The following CHRDL1 variants were observed in gnomAD, a reference collection of about 807,000 sequenced individuals.
CHRDL1 encodes chordin like 1, also known as chordin-like protein 1.
In CHRDL1, 19 loss-of-function variants were observed where a neutral mutation model predicts 40.9. That is an observed-to-expected ratio of 0.46 (90% CI 0.32 to 0.68). CHRDL1 has a LOEUF of 0.68. Ranked by LOEUF, CHRDL1 falls within the 30% of genes least tolerant of loss-of-function variation. The probability of loss-of-function intolerance (pLI) is 0.03; values close to 1 mark genes in which losing one functional copy is unlikely to be tolerated. For synonymous variants in CHRDL1, 136 were observed against 123.4 expected (o/e 1.10, Z -0.68); for missense variants, 329 against 352.1 (o/e 0.93, Z 0.53).
chrX:110,717,647 C>T (rs2070867590), intron 6 of CHRDL1, among the ~76,000 whole-genome samples: 1 of 111,973 alleles, frequency 8.9e-6, no homozygotes, highest in Admixed American at 9.4e-5. Context: ...CAATAGTACT[C>T]CTCACATAGG....
intron 4 of CHRDL1, among the ~76,000 whole-genome samples, chrX:110,758,133 A>AAC (rs1556364010): frequency 0.017 from 1,757 of 104,925 alleles, 44 homozygotes; most frequent in African/African-American, 0.064. Context: ...AAAAAAACAA[A>AAC]AAAAAAAAAA....
At chrX:110,791,479 C>G (rs1368015820) in intron 2 of CHRDL1, among the ~76,000 whole-genome samples, 1 of 111,697 alleles carries the variant, frequency 9.0e-6, no homozygotes, top group Non-Finnish European at 1.9e-5. Context: ...ATGTGTTAGC[C>G]CATTACACGG....
In CHRDL1 at chrX:110,681,612, G is replaced by A; in HGVS notation, c.1026C>T (p.Tyr342=). Residue 342 remains tyrosine, a synonymous_variant, in exon 10 of 12, where the codon TAC becomes TAT. Transcript: ENST00000372042. The part of the protein sequence containing the change: ...LPGQSFDNKG[Y]FCGEETMPVY... ...CAGGCATCGTTTCTTCCCCGCAGAA[G>A]TAGCCTTTATTGTCAAAGCTTTGGC... 8.3e-7 allele frequency: 1 copy of A among 1,207,847 alleles called. No homozygotes were observed. The highest frequency in any genetic ancestry group is 1.1e-6 in the Non-Finnish European group (1 of 892,590).
chrX:110,762,810 G>A lies in CHRDL1; in HGVS notation c.95-3C>T, dbSNP rs1185844455. 4.9e-6 allele frequency: 5 copies of A among 1,024,188 alleles called. No individual in the cohort carries two copies. The highest frequency in any genetic ancestry group is 6.9e-6 in the Non-Finnish European group (5 of 728,457). 84.4% of individuals were successfully genotyped at this position (1,024,188 alleles called of 1,213,427 possible). ...AAACATGCAATATGTCTCTGAATCTGTGAAGAAGGAGATGGAGAATATGCC... is the reference window on the plus strand; with the variant it reads ...AAACATGCAATATGTCTCTGAATCTATGAAGAAGGAGATGGAGAATATGCC... On this transcript the variant is annotated splice_region_variant and splice_polypyrimidine_tract_variant and intron_variant, in intron 2 of 11. Coordinates refer to ENST00000372042, the MANE Select transcript of CHRDL1 (RefSeq NM_001143981.2).
chrX:110,743,070 G>T (rs2071388848), intron 4 of CHRDL1, among the ~76,000 whole-genome samples: 1 of 112,477 alleles, frequency 8.9e-6, no homozygotes, highest in Non-Finnish European at 1.9e-5. Flanking sequence ...AATTTAAAAT[G>T]CAGCTTCTCA....
intron 10 of CHRDL1, 74 bp from the exon 11 acceptor site, chrX:110,679,499 A>T (rs776281563): frequency 8.8e-6 from 6 of 678,345 alleles, no homozygotes; most frequent in Non-Finnish European, 9.6e-6. Flanking sequence ...TTTTCTGCTC[A>T]GGCTCAGCAT....
At chrX:110,756,640 A>T (rs2089458218) in intron 4 of CHRDL1, among the ~76,000 whole-genome samples, 1 of 111,583 alleles carries the variant, frequency 9.0e-6, no homozygotes, top group African/African-American at 3.3e-5. Context: ...AAAGTGAACT[A>T]TAAAGCCTGC....
chrX:110,723,220 C>T (rs2070995224), intron 4 of CHRDL1, among the ~76,000 whole-genome samples: 1 of 111,312 alleles, frequency 9.0e-6, no homozygotes, highest in Admixed American at 9.5e-5. Flanking sequence ...CACTGCACTC[C>T]AGCCTGGGCG....
At chrX:110,725,385 G>A (rs1485221029) in intron 4 of CHRDL1, among the ~76,000 whole-genome samples, 1 of 111,490 alleles carries the variant, frequency 9.0e-6, no homozygotes, top group Non-Finnish European at 1.9e-5. Flanking sequence ...GTAATCCCAA[G>A]AATTATATGA....
chrX:110,678,815 G>A (rs771397727), intron 11 of CHRDL1, among the ~76,000 whole-genome samples: 107 of 111,109 alleles, frequency 9.6e-4, no homozygotes, highest in Non-Finnish European at 9.8e-4. Context: ...ATCTAGTGTG[G>A]AAAGTGGGAG....
At chrX:110,693,220 T>C (rs921299813) in intron 8 of CHRDL1, among the ~76,000 whole-genome samples, 4 of 111,609 alleles carry the variant, frequency 3.6e-5, no homozygotes, top group Non-Finnish European at 7.5e-5. Context: ...TTGGAAGCTA[T>C]GGAAGTCTAT....
chrX:110,788,247 A>G (rs1442033779), intron 2 of CHRDL1, among the ~76,000 whole-genome samples: 3 of 112,207 alleles, frequency 2.7e-5, no homozygotes, highest in Non-Finnish European at 5.6e-5. Context: ...CTCTTATAAG[A>G]GAAATTGTAA....
intron 2 of CHRDL1, among the ~76,000 whole-genome samples, chrX:110,773,031 G>T (rs78700734): frequency 8.9e-6 from 1 of 112,168 alleles, no homozygotes; most frequent in South Asian, 3.7e-4. Flanking sequence ...ATCCATAAAA[G>T]CACTCTATTT....
At chrX:110,757,963 C>A (rs2089483406) in intron 4 of CHRDL1, among the ~76,000 whole-genome samples, 1 of 109,550 alleles carries the variant, frequency 9.1e-6, no homozygotes, top group Non-Finnish European at 1.9e-5. Flanking sequence ...ATGCCTCAAC[C>A]TTCTTCCCAG....
intron 4 of CHRDL1, among the ~76,000 whole-genome samples, chrX:110,745,392 T>G (rs1057271043): frequency 5.4e-5 from 6 of 111,820 alleles, no homozygotes; most frequent in Non-Finnish European, 7.5e-5. Flanking sequence ...ACCCACAGGA[T>G]GTACAAGGTC....
chrX:110,695,439 G>A (rs1399915016), intron 7 of CHRDL1, among the ~76,000 whole-genome samples: 3 of 111,043 alleles, frequency 2.7e-5, no homozygotes, highest in South Asian at 3.8e-4. Flanking sequence ...TTCAACACAC[G>A]TGATGACCAG....
At position 110,768,992 on chromosome X, in the gene CHRDL1, T is replaced by C. The variant is rs771187051; in HGVS notation, c.95-6185A>G. 3.6e-5 allele frequency among the ~76,000 whole-genome samples: 4 copies of C among 111,908 alleles called. No homozygotes were observed. In the Admixed American group the frequency reaches 3.8e-4, roughly 11 times the overall value. On this transcript the variant is annotated intron_variant, in intron 2 of 11. Transcript: ENST00000372042. ...TCCTTTGCTGGAACAGAAATTTTGG[T>C]AGCCACAGCTTATCTTATACCACAG...
chrX:110,793,468 T>A (rs1417371782), intron 1 of CHRDL1, among the ~76,000 whole-genome samples: 1 of 112,061 alleles, frequency 8.9e-6, no homozygotes, highest in Admixed American at 9.4e-5. Flanking sequence ...TCTCAGGACA[T>A]GTTCCTACCC....
At chrX:110,733,495 T>C (rs971144673) in intron 4 of CHRDL1, among the ~76,000 whole-genome samples, 1 of 112,018 alleles carries the variant, frequency 8.9e-6, no homozygotes, top group East Asian at 2.8e-4. Flanking sequence ...TCTGCCTGTT[T>C]GCATCCTACC....
Sources: gnomAD v4.1 joint callset for allele counts (sites outside exome capture counted in the v4.1 genomes callset) on GRCh38, gnomAD v4.1.1 for gene constraint, MANE v1.5 for transcripts, NCBI Gene and HGNC (gene_info 2026-07-23, HGNC 2026-07-21) for gene names.